STAC: variants seen among roughly 807,000 people sequenced by gnomAD.
The protein encoded by STAC is SH3 and cysteine-rich domain-containing protein.
Under a neutral mutation model 48.8 loss-of-function variants are expected in STAC, and 43 were observed. The ratio of observed to expected loss-of-function variants is 0.88; its 90% CI spans 0.69 to 1.14. The LOEUF (loss-of-function observed/expected upper bound fraction) is 1.14, where lower values mean the gene tolerates loss of function less well. Among genes scored for constraint, STAC ranks in the 50% most tolerant of loss-of-function variants. The pLI is 0.00. For missense variants in STAC, 497 were observed against 504.0 expected (o/e 0.99, Z 0.13); for synonymous variants, 193 against 179.5 (o/e 1.07, Z -0.60).
chr3:36,398,208 C>A lies in STAC; in HGVS notation c.111+17454C>A, dbSNP rs1006578198. On this transcript the variant is annotated intron_variant, in intron 1 of 10. Coordinates refer to ENST00000273183, the MANE Select transcript of STAC (RefSeq NM_003149.3). ...GAAGAGAGCAGCAATTTGACCTCAT[C>A]CCCTGATGGTCAGACTAAAATGTTA... is the stretch of plus-strand genomic sequence containing the variant. 2.6e-5 allele frequency among the ~76,000 whole-genome samples: 4 copies of A among 151,936 alleles called. No homozygotes were observed. In the East Asian group the frequency reaches 5.8e-4, roughly 22 times the overall value.
At chr3:36,494,722 C>T (rs1331252671) in intron 6 of STAC, among the ~76,000 whole-genome samples, 1 of 152,198 alleles carries the variant, frequency 6.6e-6, no homozygotes, top group Non-Finnish European at 1.5e-5. Context: ...ATGAGGGAAA[C>T]TGTACTTTTA....
chr3:36,430,284 A>T (rs547045664), intron 1 of STAC, among the ~76,000 whole-genome samples: 1 of 152,342 alleles, frequency 6.6e-6, no homozygotes, highest in South Asian at 2.1e-4. Context: ...GTGGTGACGT[A>T]CTGCTGCAGG....
intron 2 of STAC, among the ~76,000 whole-genome samples, chr3:36,481,533 A>C (rs1697647023): frequency 1.3e-5 from 2 of 152,166 alleles, no homozygotes; most frequent in Admixed American, 1.3e-4. Flanking sequence ...TGTGCTGTAC[A>C]GTGGGGTATC....
At chr3:36,501,255 G>T (rs1349421242) in intron 6 of STAC, among the ~76,000 whole-genome samples, 2 of 152,012 alleles carry the variant, frequency 1.3e-5, no homozygotes, top group African/African-American at 4.8e-5. Context: ...AAAAAAATAA[G>T]AAAGTCTGAA....
intron 2 of STAC, among the ~76,000 whole-genome samples, chr3:36,480,329 A>C (rs939816643): frequency 2.0e-5 from 3 of 152,214 alleles, no homozygotes; most frequent in Non-Finnish European, 4.4e-5. Context: ...ATACATGCCC[A>C]ATAATTTATA....
At chr3:36,394,829 G>A (rs545041385) in intron 1 of STAC, among the ~76,000 whole-genome samples, 20 of 151,794 alleles carry the variant, frequency 1.3e-4, no homozygotes, top group Admixed American at 1.3e-3. Flanking sequence ...CCTGGGAGGC[G>A]GAGGTTGCAT....
intron 1 of STAC, among the ~76,000 whole-genome samples, chr3:36,424,882 G>GAATA (rs952555431): frequency 2.0e-5 from 3 of 151,922 alleles, no homozygotes; most frequent in East Asian, 1.9e-4. Context: ...ATAACTTAAT[G>GAATA]AATAAATAAA....
At chr3:36,384,853 G>C (rs1355037184) in intron 1 of STAC, among the ~76,000 whole-genome samples, 3 of 152,178 alleles carry the variant, frequency 2.0e-5, no homozygotes, top group Admixed American at 2.0e-4. Context: ...TAACCATGAA[G>C]ACGTGCCCTG....
At chr3:36,392,533 C>T (rs188301502) in intron 1 of STAC, among the ~76,000 whole-genome samples, 9 of 151,928 alleles carry the variant, frequency 5.9e-5, no homozygotes, top group Admixed American at 2.6e-4. Flanking sequence ...TATTTACTTA[C>T]TTATTTATTT....
intron 10 of STAC, among the ~76,000 whole-genome samples, chr3:36,538,731 A>G (rs1037738104): frequency 2.0e-5 from 3 of 152,136 alleles, no homozygotes; most frequent in African/African-American, 4.8e-5. Context: ...GCTAATCTGC[A>G]TTTTCTGGAT....
chr3:36,436,400 A>G (rs1575198011), intron 1 of STAC, among the ~76,000 whole-genome samples: 2 of 152,184 alleles, frequency 1.3e-5, no homozygotes, highest in African/African-American at 4.8e-5. Context: ...CCCTTAGGAT[A>G]AATTCCAAAG....
intron 1 of STAC, among the ~76,000 whole-genome samples, chr3:36,390,451 C>CTTTTTTTTTTTTTTTTTTT (rs59589769): frequency 2.1e-4 from 17 of 80,818 alleles, no homozygotes; most frequent in Non-Finnish European, 3.7e-4. Flanking sequence ...TTTTTCTTTT[C>CTTTTTTTTTTTTTTTTTTT]TTTTTTTTTT....
At chr3:36,410,860 G>C (rs1700178962) in intron 1 of STAC, among the ~76,000 whole-genome samples, 1 of 152,138 alleles carries the variant, frequency 6.6e-6, no homozygotes, top group Non-Finnish European at 1.5e-5. Context: ...CTTGCCATCT[G>C]GCCTCTGGCT....
chr3:36,393,723 G>A (rs781349830), intron 1 of STAC, among the ~76,000 whole-genome samples: 5 of 148,676 alleles, frequency 3.4e-5, no homozygotes, highest in Non-Finnish European at 7.4e-5. Context: ...AGCCATCCAT[G>A]AACCAGGAGG....
At chr3:36,513,468 G>A (rs931042925) in intron 8 of STAC, among the ~76,000 whole-genome samples, 1 of 152,104 alleles carries the variant, frequency 6.6e-6, no homozygotes, top group African/African-American at 2.4e-5. Flanking sequence ...CTGGACTGTT[G>A]TAAAAGAGCT....
At chr3:36,474,490 T>G (rs2081871402) in intron 2 of STAC, among the ~76,000 whole-genome samples, 1 of 152,208 alleles carries the variant, frequency 6.6e-6, no homozygotes, top group African/African-American at 2.4e-5. Flanking sequence ...AGTAGAGATC[T>G]CTCAGCGTGC....
At chr3:36,419,798 A>G (rs958826839) in intron 1 of STAC, among the ~76,000 whole-genome samples, 4 of 152,210 alleles carry the variant, frequency 2.6e-5, no homozygotes, top group Non-Finnish European at 5.9e-5. Flanking sequence ...TGGAAAACAC[A>G]GAGGATTGAG....
chr3:36,448,472 C>G (rs76202877), intron 2 of STAC, among the ~76,000 whole-genome samples: 9,419 of 152,116 alleles, frequency 0.062, 374 homozygotes, highest in Non-Finnish European at 0.086. Context: ...CTGCCCACCT[C>G]GGCCTCCCAC....
At chr3:36,473,779 T>G (rs1697409502) in intron 2 of STAC, among the ~76,000 whole-genome samples, 6 of 152,256 alleles carry the variant, frequency 3.9e-5, no homozygotes, top group Admixed American at 3.9e-4. Flanking sequence ...CTTTTTTTAC[T>G]TCTGTATTCC....
Sources: allele counts gnomAD v4.1 joint callset (sites outside exome capture counted in the v4.1 genomes callset), GRCh38; gene constraint gnomAD v4.1.1; transcripts MANE v1.5; gene names NCBI Gene and HGNC (gene_info 2026-07-23, HGNC 2026-07-21).